Variants in RORA observed in about 807,000 individuals in gnomAD.
RORA encodes the protein nuclear receptor ROR-alpha.
RORA carries 7 observed loss-of-function variants against 69.5 expected under a neutral mutation model. The observed-to-expected ratio is 0.10, with a 90% CI of 0.06 to 0.19. The LOEUF (loss-of-function observed/expected upper bound fraction) is 0.19. RORA is among the 10% of genes least tolerant of loss of function. The pLI, the probability that RORA is intolerant of heterozygous loss-of-function variation, is 1.00. For synonymous variants in RORA, 261 were observed against 240.8 expected, an observed-to-expected ratio of 1.08 and a Z score of -0.78; for missense variants, 457 against 663.0, an observed-to-expected ratio of 0.69 and a Z score of 3.41.
At chr15:60,944,762 G>A (rs1347359651) in intron 1 of RORA, among the ~76,000 whole-genome samples, 1 of 151,226 alleles carries the variant, frequency 6.6e-6, no homozygotes, top group Non-Finnish European at 1.5e-5. Context: ...ATTCCCAGAG[G>A]GCAATACACC....
chr15:60,789,238 C>G lies in RORA; in HGVS notation c.167-110552G>C, dbSNP rs9944284. Reference sequence around the variant, plus strand: ...ATCAGGTGTTCCCAAGGAACACAGCCCCACAGTCCATACTGCTCCCTGGAA... The same window carrying G: ...ATCAGGTGTTCCCAAGGAACACAGCGCCACAGTCCATACTGCTCCCTGGAA... On this transcript the variant is annotated intron_variant, in intron 1 of 10. Coordinates refer to ENST00000335670, the MANE Select transcript of RORA (RefSeq NM_134261.3). Among the ~76,000 whole-genome samples the G allele has an allele frequency of 8.4e-3, 1,272 of 152,306 alleles. 15 individuals are homozygous for G. Among genetic ancestry groups the G allele is most frequent in the African/African-American group, 0.029 (1,219 of 41,554 alleles).
At chr15:60,533,320 T>C (rs559812702) in intron 2 of RORA, among the ~76,000 whole-genome samples, 1 of 152,326 alleles carries the variant, frequency 6.6e-6, no homozygotes, top group South Asian at 2.1e-4. Flanking sequence ...TTCTATACTC[T>C]GGAGGCTTTC....
At chr15:60,937,326 C>A (rs550047604) in intron 1 of RORA, among the ~76,000 whole-genome samples, 33 of 152,214 alleles carry the variant, frequency 2.2e-4, no homozygotes, top group African/African-American at 7.0e-4. Context: ...AGAGTATTTA[C>A]TGTCTGGGTG....
chr15:60,737,856 G>A (rs2071523097), intron 1 of RORA, among the ~76,000 whole-genome samples: 2 of 152,192 alleles, frequency 1.3e-5, no homozygotes, highest in Non-Finnish European at 1.5e-5. Context: ...TAATAAATTT[G>A]TCAAGAGCTG....
intron 1 of RORA, among the ~76,000 whole-genome samples, chr15:60,965,443 T>C (rs980003096): frequency 2.0e-5 from 3 of 152,214 alleles, no homozygotes; most frequent in African/African-American, 4.8e-5. Context: ...CAATGGTCTC[T>C]GTACACTGGG....
At chr15:60,558,343 C>A (rs1189726183) in intron 2 of RORA, 1 of 1,416,404 alleles carries the variant, frequency 7.1e-7, no homozygotes, top group Non-Finnish European at 1.0e-6. Flanking sequence ...AAAAAAGCTA[C>A]TAATGGGCAT....
intron 2 of RORA, among the ~76,000 whole-genome samples, chr15:60,550,658 T>C (rs28711129): frequency 0.065 from 9,874 of 152,168 alleles, 904 homozygotes; most frequent in African/African-American, 0.2. Context: ...CCTTAAGGCT[T>C]AAGGACACTA....
At chr15:60,793,225 G>A (rs1028959126) in intron 1 of RORA, among the ~76,000 whole-genome samples, 13 of 152,212 alleles carry the variant, frequency 8.5e-5, no homozygotes, top group Admixed American at 3.3e-4. Context: ...TATGTTAGGA[G>A]TAGTCTTCAT....
chr15:60,734,025 T>G (rs1595669733), intron 1 of RORA, among the ~76,000 whole-genome samples: 1 of 145,140 alleles, frequency 6.9e-6, no homozygotes, highest in African/African-American at 2.6e-5. Flanking sequence ...AGTGGCAGAG[T>G]GGGAGGAGAG....
At chr15:60,649,113 C>G (rs2140691955) in intron 2 of RORA, among the ~76,000 whole-genome samples, 1 of 152,240 alleles carries the variant, frequency 6.6e-6, no homozygotes, top group East Asian at 1.9e-4. Flanking sequence ...CAAGCCATAG[C>G]CCGTCACTTT....
chr15:60,535,062 C>T (rs976878703), intron 2 of RORA, among the ~76,000 whole-genome samples: 2 of 152,116 alleles, frequency 1.3e-5, no homozygotes, highest in Non-Finnish European at 2.9e-5. Flanking sequence ...TTCAGTTTCC[C>T]ACCAGGTAGT....
At chr15:60,899,089 TA>T (rs1680374597) in intron 1 of RORA, among the ~76,000 whole-genome samples, 1 of 152,218 alleles carries the variant, frequency 6.6e-6, no homozygotes, top group African/African-American at 2.4e-5. Flanking sequence ...TGCAGACCAC[TA>T]GGGGTTGTTC....
At chr15:60,717,298 C>T (rs928854304) in intron 1 of RORA, among the ~76,000 whole-genome samples, 1 of 152,170 alleles carries the variant, frequency 6.6e-6, no homozygotes, top group African/African-American at 2.4e-5. Flanking sequence ...AAGTGGAAAT[C>T]CACCCCTGAG....
At chr15:60,516,112 A>ATATATAT in intron 3 of RORA, among the ~76,000 whole-genome samples, 1 of 51,232 alleles carries the variant, frequency 2.0e-5, no homozygotes. Context: ...TATATATTAT[A>ATATATAT]TTATATATAT....
chr15:60,788,344 G>A (rs1158678578), intron 1 of RORA, among the ~76,000 whole-genome samples: 1 of 152,282 alleles, frequency 6.6e-6, no homozygotes, highest in South Asian at 2.1e-4. Flanking sequence ...TAAGTTCATG[G>A]CTGGTGGGGT....
At chr15:61,095,740 G>A (rs992600370) in intron 1 of RORA, among the ~76,000 whole-genome samples, 2 of 152,210 alleles carry the variant, frequency 1.3e-5, no homozygotes, top group African/African-American at 2.4e-5. Flanking sequence ...GTTCGAGGTG[G>A]AGTGCTGGGG....
At chr15:60,907,540 T>A (rs572623984) in intron 1 of RORA, among the ~76,000 whole-genome samples, 1 of 152,158 alleles carries the variant, frequency 6.6e-6, no homozygotes, top group Non-Finnish European at 1.5e-5. Flanking sequence ...AGGCTCTTCA[T>A]TTGTGAATTA....
At chr15:60,585,293 A>C (rs1354275226) in intron 2 of RORA, among the ~76,000 whole-genome samples, 1 of 152,252 alleles carries the variant, frequency 6.6e-6, no homozygotes. Context: ...TTATCTATTT[A>C]TCCTAAAAAA....
chr15:60,933,464 C>T (rs1476196939), intron 1 of RORA, among the ~76,000 whole-genome samples: 1 of 152,198 alleles, frequency 6.6e-6, no homozygotes, highest in African/African-American at 2.4e-5. Flanking sequence ...CGACCTCCTC[C>T]TCCAAGCAGC....
Sources: gnomAD v4.1 joint callset for allele counts (sites outside exome capture counted in the v4.1 genomes callset) on GRCh38, gnomAD v4.1.1 for gene constraint, MANE v1.5 for transcripts, NCBI Gene and HGNC (gene_info 2026-07-23, HGNC 2026-07-21) for gene names.